The following DISC1 variants were observed in gnomAD, a reference collection of about 807,000 sequenced individuals.
DISC1 encodes disrupted in schizophrenia 1 protein.
DISC1 carries 57 observed loss-of-function variants against 84.5 expected under a neutral mutation model. The ratio of observed to expected loss-of-function variants is 0.67; its 90% CI spans 0.55 to 0.84. The LOEUF (loss-of-function observed/expected upper bound fraction) is 0.84. DISC1 is among the 40% of genes least tolerant of loss of function. DISC1 has a pLI of 0.00. For synonymous variants in DISC1, 411 were observed against 415.2 expected, an observed-to-expected ratio of 0.99 and a Z score of 0.12; for missense variants, 1,000 against 1,057.8, an observed-to-expected ratio of 0.95 and a Z score of 0.76.
chr1:231,808,785 A>G (rs2079973387), intron 8 of DISC1, among the ~76,000 whole-genome samples: 2 of 152,194 alleles, frequency 1.3e-5, no homozygotes, highest in Non-Finnish European at 2.9e-5. Flanking sequence ...CTGGGAGCCA[A>G]ACCTTGTGCT....
chr1:231,757,002 A>C (rs2075207415), intron 4 of DISC1, among the ~76,000 whole-genome samples: 1 of 152,170 alleles, frequency 6.6e-6, no homozygotes, highest in Non-Finnish European at 1.5e-5. Context: ...GCTGAAGCTC[A>C]CACAGCCCAG....
chr1:231,828,296 T>C (rs778236375), intron 9 of DISC1, among the ~76,000 whole-genome samples: 2 of 152,222 alleles, frequency 1.3e-5, no homozygotes, highest in Non-Finnish European at 2.9e-5. Context: ...GCATTCTACT[T>C]TGCTTCGTAT....
At chr1:232,005,758 A>G (rs1667345336) in intron 10 of DISC1, among the ~76,000 whole-genome samples, 2 of 152,242 alleles carry the variant, frequency 1.3e-5, no homozygotes, top group Non-Finnish European at 2.9e-5. Context: ...ACTGGAATAT[A>G]TAAAAGAAAA....
chr1:231,933,744 G>A (rs1471473873), intron 9 of DISC1, among the ~76,000 whole-genome samples: 2 of 152,154 alleles, frequency 1.3e-5, no homozygotes, highest in Non-Finnish European at 2.9e-5. Flanking sequence ...ATATTGGTGG[G>A]GAAGAGTTGG....
rs969873294 is a variant in DISC1 at position 231,709,819 on chromosome 1, A to T, written c.1117+7795A>T. 2.0e-4 allele frequency among the ~76,000 whole-genome samples: 31 copies of T among 152,224 alleles called. 1 individual carries two copies. Among genetic ancestry groups the T allele is most frequent in the Admixed American group, 1.7e-3 (26 of 15,274 alleles). On this transcript the variant is annotated intron_variant, in intron 3 of 12. Coordinates refer to ENST00000439617, the MANE Select transcript of DISC1 (RefSeq NM_018662.3). ...TTCACGTTTTATGCATCTGCCTATG[A>T]GAATCTGTAAGAGACACAAGCTGTT...
chr1:231,686,072 C>T (rs554557851), intron 1 of DISC1, among the ~76,000 whole-genome samples: 12 of 152,320 alleles, frequency 7.9e-5, no homozygotes, highest in East Asian at 5.8e-4. Flanking sequence ...CCACCCCTGT[C>T]GCTTTGCAGG....
intron 10 of DISC1, among the ~76,000 whole-genome samples, chr1:231,986,396 CT>C (rs34331728): frequency 0.054 from 8,176 of 152,244 alleles, 309 homozygotes; most frequent in East Asian, 0.2. Context: ...ACTCTTATCT[CT>C]ACTTACGTTC....
intron 10 of DISC1, among the ~76,000 whole-genome samples, chr1:232,005,770 C>T (rs1667346281): frequency 6.6e-6 from 1 of 151,928 alleles, no homozygotes; most frequent in Admixed American, 6.6e-5. Context: ...AAAAGAAAAT[C>T]AAATTAAAAG....
chr1:231,761,545 A>G (rs1039065357), intron 4 of DISC1, among the ~76,000 whole-genome samples: 1 of 152,054 alleles, frequency 6.6e-6, no homozygotes, highest in African/African-American at 2.4e-5. Flanking sequence ...ATCACAGGGG[A>G]TTTTCTTATG....
chr1:231,900,577 A>T (rs1296254055), intron 9 of DISC1, among the ~76,000 whole-genome samples: 2 of 152,212 alleles, frequency 1.3e-5, no homozygotes, highest in Non-Finnish European at 2.9e-5. Context: ...GTGAACCGTT[A>T]TATTCGGTAT....
chr1:231,877,205 CCA>C (rs1280666583), intron 9 of DISC1, among the ~76,000 whole-genome samples: 1 of 152,184 alleles, frequency 6.6e-6, no homozygotes, highest in Non-Finnish European at 1.5e-5. Flanking sequence ...TCACATGAGC[CCA>C]CCTTCTTACT....
At chr1:231,829,831 ACAGT>A (rs2082105851) in intron 9 of DISC1, among the ~76,000 whole-genome samples, 1 of 144,972 alleles carries the variant, frequency 6.9e-6, no homozygotes, top group Non-Finnish European at 1.5e-5. Context: ...AAGGAAAATT[ACAGT>A]CAAAGGGGGG....
chr1:231,963,061 G>A (rs185555809), intron 10 of DISC1, among the ~76,000 whole-genome samples: 18 of 152,254 alleles, frequency 1.2e-4, no homozygotes, highest in African/African-American at 3.6e-4. Flanking sequence ...TTTTGAGTAA[G>A]CATCTTAAAA....
intron 1 of DISC1, among the ~76,000 whole-genome samples, chr1:231,652,416 T>C (rs2060708016): frequency 6.6e-6 from 1 of 152,212 alleles, no homozygotes; most frequent in South Asian, 2.1e-4. Flanking sequence ...TACTCAATAT[T>C]GAATATTCAA....
intron 1 of DISC1, among the ~76,000 whole-genome samples, chr1:231,637,651 G>C (rs1094658): frequency 0.45 from 67,691 of 151,752 alleles, 15,595 homozygotes; most frequent in East Asian, 0.82. Flanking sequence ...CAGTTCCATC[G>C]ATGTTGTTGG....
chr1:231,853,613 C>T (rs199915465), intron 9 of DISC1, among the ~76,000 whole-genome samples: 8 of 152,162 alleles, frequency 5.3e-5, no homozygotes, highest in Non-Finnish European at 1.0e-4. Context: ...AAAGTTCTTC[C>T]GAACTGAGAG....
At chr1:231,830,558 G>GT (rs2082147944) in intron 9 of DISC1, among the ~76,000 whole-genome samples, 1 of 152,186 alleles carries the variant, frequency 6.6e-6, no homozygotes, top group Non-Finnish European at 1.5e-5. Context: ...TGGAAAAACA[G>GT]TGTAAACCGG....
intron 4 of DISC1, among the ~76,000 whole-genome samples, chr1:231,764,613 A>G (rs2076021692): frequency 6.6e-6 from 1 of 152,174 alleles, no homozygotes; most frequent in Non-Finnish European, 1.5e-5. Context: ...GTGGCTGCTT[A>G]GCATTGCTAA....
chr1:231,847,678 G>T (rs1221589036), intron 9 of DISC1, among the ~76,000 whole-genome samples: 1 of 152,050 alleles, frequency 6.6e-6, no homozygotes, highest in Admixed American at 6.5e-5. Flanking sequence ...TCCTAAAATG[G>T]TTTCTCCTTA....
Sources: allele counts gnomAD v4.1 joint callset (sites outside exome capture counted in the v4.1 genomes callset), GRCh38; gene constraint gnomAD v4.1.1; transcripts MANE v1.5; gene names NCBI Gene and HGNC (gene_info 2026-07-23, HGNC 2026-07-21).